GIT2: variants seen among roughly 807,000 people sequenced by gnomAD.
The protein encoded by GIT2 is GIT ArfGAP 2.
Under a neutral mutation model 100.3 loss-of-function variants are expected in GIT2, and 32 were observed. The observed-to-expected ratio is 0.32, with a 90% confidence interval of 0.24 to 0.43. The LOEUF is 0.43. Ranked by LOEUF, GIT2 falls within the 20% of genes least tolerant of loss-of-function variation. GIT2 has a pLI of 1.00. For missense variants in GIT2, 737 were observed against 975.1 expected (o/e 0.76, Z 3.25); for synonymous variants, 353 against 364.1 (o/e 0.97, Z 0.35).
upstream of GIT2, chr12:109,998,343 T>G (rs916844711): frequency 6.6e-6 from 1 of 152,226 alleles, no homozygotes; most frequent in Non-Finnish European, 1.5e-5. Flanking sequence ...ATGGATTAGG[T>G]TGGGATTCTT....
At chr12:109,993,261 A>G (rs924802328) in intron 1 of GIT2, among the ~76,000 whole-genome samples, 5 of 152,172 alleles carry the variant, frequency 3.3e-5, no homozygotes, top group African/African-American at 9.7e-5. Flanking sequence ...CAGACTCACA[A>G]TGGGGTGACA....
At chr12:109,999,841 G>T, upstream of GIT2, 1 of 1,436,528 alleles carries the variant, frequency 7.0e-7, no homozygotes, top group East Asian at 2.7e-5. The surrounding 1 kb of genome is among the most constrained non-coding windows in gnomAD (Gnocchi z 4.3). Flanking sequence ...ATCGGGGGTC[G>T]TTTCGCCTCC....
chr12:109,985,446 T>C (rs757979852), intron 4 of GIT2, among the ~76,000 whole-genome samples: 37 of 152,338 alleles, frequency 2.4e-4, no homozygotes, highest in Admixed American at 3.9e-4. Flanking sequence ...CCAGATGTGG[T>C]GGCTCACGCC....
intron 16 of GIT2, chr12:109,943,126 T>G (rs1004420440): frequency 6.6e-6 from 1 of 152,206 alleles, no homozygotes; most frequent in African/African-American, 2.4e-5. Flanking sequence ...TTAAATGATT[T>G]TTGTACAAAA....
chr12:109,961,773 G>A, intron 9 of GIT2, 88 bp from the exon 10 acceptor site: 1 of 793,584 alleles, frequency 1.3e-6, no homozygotes, highest in Non-Finnish European at 2.2e-6. Flanking sequence ...CCCTTTTATT[G>A]CCTACGTCTT....
chr12:109,961,122 G>A (rs1472819903), intron 11 of GIT2, among the ~76,000 whole-genome samples, 156 bp downstream of exon 11: 1 of 151,966 alleles, frequency 6.6e-6, no homozygotes, highest in Non-Finnish European at 1.5e-5. Flanking sequence ...ATAGTCTATT[G>A]TTTTTCTTAT....
At position 109,962,169 on chromosome 12, in the gene GIT2, A is replaced by G. The variant is rs1261365767; in HGVS notation, c.817-484T>C. 6.6e-6 allele frequency among the ~76,000 whole-genome samples: 1 copy of G among 152,118 alleles called. No homozygotes were observed. The highest frequency in any genetic ancestry group is 1.5e-5 in the Non-Finnish European group (1 of 68,018). On this transcript the variant is annotated intron_variant, in intron 9 of 19. Transcript: ENST00000355312. This position sits in a 1 kb window ranked among gnomAD's most constrained non-coding sequence, Gnocchi z 4.3. ...GGAGTTCGAGACCAGCCTGGGCAAC[A>G]TGGTGAAACCCTGCCTCTACAGAAA...
At position 109,986,876 on chromosome 12, in the gene GIT2, G is replaced by C. The variant is rs1593146638; in HGVS notation, c.405+2087C>G. 2.6e-5 allele frequency among the ~76,000 whole-genome samples: 4 copies of C among 152,178 alleles called. No homozygotes were observed. The South Asian group carries it at 8.3e-4, about 32-fold the overall frequency. Reference sequence around the variant, plus strand: ...GGAGGCTGAGGCAGGAGAATCACTTGAACCTGGGAGGCGGAGGTTGTAGTG... The same window carrying C: ...GGAGGCTGAGGCAGGAGAATCACTTCAACCTGGGAGGCGGAGGTTGTAGTG... On this transcript the variant is annotated intron_variant, in intron 4 of 19. Transcript: ENST00000355312.
chr12:109,966,490 CAG>C (rs1334471358), intron 8 of GIT2, among the ~76,000 whole-genome samples: 1 of 111,346 alleles, frequency 9.0e-6, no homozygotes, highest in African/African-American at 3.6e-5. Flanking sequence ...GTCTGGGCGA[CAG>C]AGCAAGACTC....
intron 15 of GIT2, among the ~76,000 whole-genome samples, chr12:109,946,052 T>G (rs1394299613): frequency 6.6e-6 from 1 of 152,084 alleles, no homozygotes; most frequent in Non-Finnish European, 1.5e-5. Context: ...GAGAACTGCT[T>G]GAACCCAGGA....
In GIT2 at chr12:109,948,976, T is replaced by C. The variant is rs1010176622; in HGVS notation, c.1393-1472A>G. 1.4e-5 allele frequency: 9 copies of C among 637,250 alleles called. No homozygotes were observed. Among genetic ancestry groups the C allele is most frequent in the African/African-American group, 5.5e-5 (3 of 54,226 alleles). The allele number at this position is 637,250 out of a possible 1,614,324, so 39.5% of individuals were successfully genotyped here. A position where few individuals can be genotyped will look rare whatever the true frequency, so the allele number is the denominator to read the frequency against. On this transcript the variant is annotated intron_variant, in intron 14 of 19. Transcript: ENST00000355312. This position sits in a 1 kb window ranked among gnomAD's most constrained non-coding sequence, Gnocchi z 4.3. ...ATAAACAAATTCCATATACTTTATA[T>C]TAATCATGCCAAACTGCTGTGAAAG...
At chr12:109,963,324 G>A (rs1397345804) in intron 9 of GIT2, among the ~76,000 whole-genome samples, 8 of 152,198 alleles carry the variant, frequency 5.3e-5, no homozygotes, top group African/African-American at 1.4e-4. Flanking sequence ...AGGATTGGGA[G>A]CTTGACTTTG....
chr12:109,945,350 C>A lies in GIT2; in HGVS notation c.1642-1G>T. 1 of 1,441,420 alleles carries A rather than the reference C, an allele frequency of 6.9e-7. No individual in the cohort carries two copies. Among genetic ancestry groups the A allele is most frequent in the Non-Finnish European group, 9.8e-7 (1 of 1,024,128 alleles). The allele number at this position is 1,441,420 out of a possible 1,614,324, so 89.3% of individuals were successfully genotyped here. A position where few individuals can be genotyped will look rare whatever the true frequency, so the allele number is the denominator to read the frequency against. On this transcript the variant is annotated splice_acceptor_variant, in intron 15 of 19. Coordinates refer to ENST00000355312, the MANE Select transcript of GIT2 (RefSeq NM_057169.5). LOFTEE classifies it high-confidence loss of function. The stretch of plus-strand genomic sequence containing the variant: ...AGGTCACAAGTGCACTCCTCCCGAT[C>A]TGGAATGGGAAAGAGAAACACACTC...
At chr12:109,972,446 T>C (rs1884120159) in intron 7 of GIT2, among the ~76,000 whole-genome samples, 1 of 152,180 alleles carries the variant, frequency 6.6e-6, no homozygotes. Flanking sequence ...GTTTTTACTG[T>C]TAACTTGATA....
At chr12:109,963,815 G>C (rs117009945) in intron 9 of GIT2, among the ~76,000 whole-genome samples, 2,044 of 152,294 alleles carry the variant, frequency 0.013, 32 homozygotes, top group Middle Eastern at 0.027. Context: ...GGGTCAACAA[G>C]TAATGGGGCA....
At chr12:109,985,759 G>T (rs924508277) in intron 4 of GIT2, among the ~76,000 whole-genome samples, 1 of 151,958 alleles carries the variant, frequency 6.6e-6, no homozygotes, top group Non-Finnish European at 1.5e-5. Context: ...AGGCTGAGGC[G>T]GGTGAATCGC....
At position 109,996,298 on chromosome 12, in the gene GIT2, C is replaced by T; in HGVS notation, c.-74G>A. The T allele has an allele frequency of 9.4e-7, 1 of 1,063,924 alleles. No homozygotes were observed. The highest frequency in any genetic ancestry group is 1.4e-6 in the Non-Finnish European group (1 of 729,864). 65.9% of individuals were successfully genotyped at this position (1,063,924 alleles called of 1,614,324 possible). On this transcript the variant is annotated 5_prime_UTR_variant, in exon 1 of 20. Transcript: ENST00000355312. Reference sequence around the variant, plus strand: ...GGCGGCGGTGGCGGCGGCGCTTCCGCTCTAACGGGTCCCAGCTGCGGCGGC... The same window carrying T: ...GGCGGCGGTGGCGGCGGCGCTTCCGTTCTAACGGGTCCCAGCTGCGGCGGC...
intron 4 of GIT2, among the ~76,000 whole-genome samples, chr12:109,985,419 A>AAG (rs1887168803): frequency 2.0e-5 from 3 of 151,566 alleles, no homozygotes; most frequent in African/African-American, 7.3e-5. Context: ...GGATTAAAAA[A>AAG]GGGGGGGGAA....
At chr12:109,996,109 G>C in intron 1 of GIT2, 64 bp downstream of exon 1, 1 of 1,050,096 alleles carries the variant, frequency 9.5e-7, no homozygotes, top group Admixed American at 2.8e-5. Flanking sequence ...CTGAGGGGGC[G>C]GCCCCGGGGT....
Sources: allele counts gnomAD v4.1 joint callset (sites outside exome capture counted in the v4.1 genomes callset), GRCh38; gene constraint gnomAD v4.1.1; non-coding constraint Gnocchi (gnomAD v3.1); transcripts MANE v1.5; gene names NCBI Gene and HGNC (gene_info 2026-07-23, HGNC 2026-07-21).